The following RACGAP1 variants were observed in gnomAD, a reference collection of about 807,000 sequenced individuals.
RACGAP1 encodes Rac GTPase activating protein 1.
RACGAP1 carries 30 observed loss-of-function variants against 78.1 expected under a neutral mutation model. That is an observed-to-expected ratio of 0.38 (90% confidence interval 0.29 to 0.52). RACGAP1 has a LOEUF of 0.52. Ranked by LOEUF, RACGAP1 falls within the 20% of genes least tolerant of loss-of-function variation. The pLI is 0.82. For missense variants in RACGAP1, 587 were observed against 777.1 expected, an observed-to-expected ratio of 0.76 and a Z score of 2.91; for synonymous variants, 231 against 264.8, an observed-to-expected ratio of 0.87 and a Z score of 1.24.
At chr12:50,026,613 C>A (rs1259941943), upstream of RACGAP1, among the ~76,000 whole-genome samples, 1 of 152,158 alleles carries the variant, frequency 6.6e-6, no homozygotes, top group Non-Finnish European at 1.5e-5. Flanking sequence ...ATACATACAT[C>A]AAAACATCAC....
intron 2 of RACGAP1, among the ~76,000 whole-genome samples, chr12:50,011,121 G>T (rs1325115488): frequency 1.3e-5 from 2 of 152,018 alleles, no homozygotes; most frequent in Non-Finnish European, 2.9e-5. Context: ...TGGATCACTT[G>T]AGGTCAGGAG....
At chr12:49,991,859 A>G (rs1947903897) in intron 15 of RACGAP1, 139 bp downstream of exon 15, 1 of 1,507,440 alleles carries the variant, frequency 6.6e-7, no homozygotes. Flanking sequence ...AAAGCAAAAA[A>G]AAATTACGAT....
chr12:50,020,674 C>CA (rs1949961001), intron 1 of RACGAP1, among the ~76,000 whole-genome samples: 2 of 152,136 alleles, frequency 1.3e-5, no homozygotes. Flanking sequence ...CAGACCTACT[C>CA]AGAGACCTCC....
chr12:50,020,200 C>T (rs996664003), intron 1 of RACGAP1, among the ~76,000 whole-genome samples: 3 of 152,094 alleles, frequency 2.0e-5, no homozygotes, highest in Non-Finnish European at 2.9e-5. Context: ...TTTTCTGAGA[C>T]GGTGTCTTGC....
upstream of RACGAP1, chr12:50,025,570 C>A (rs970664910): frequency 1.0e-5 from 10 of 982,916 alleles, no homozygotes; most frequent in African/African-American, 1.7e-4. Context: ...GTCAGGGCCA[C>A]GCGGAGGTGA....
chr12:50,004,224 A>G lies in RACGAP1; in HGVS notation c.495+11T>C. The G allele has an allele frequency of 6.3e-7, 1 of 1,596,940 alleles. No individual in the cohort carries two copies. The highest frequency in any genetic ancestry group is 2.2e-5 in the East Asian group (1 of 44,450). Reference sequence around the variant, plus strand: ...AAAGTAGGTAATTCTCAGAGATCAAATGTTTATTACCAGTGATTCATCAGT... The same window carrying G: ...AAAGTAGGTAATTCTCAGAGATCAAGTGTTTATTACCAGTGATTCATCAGT... On this transcript the variant is annotated intron_variant, in intron 5 of 16. Coordinates refer to ENST00000312377, the MANE Select transcript of RACGAP1 (RefSeq NM_001319999.2).
At chr12:49,991,955 AAG>A in intron 15 of RACGAP1, 41 bp downstream of exon 15, 1 of 1,606,126 alleles carries the variant, frequency 6.2e-7, no homozygotes, top group Non-Finnish European at 8.5e-7. Context: ...ACTAAAACTA[AAG>A]AGAGAGTCAA....
At chr12:50,008,817 TTC>T (rs1488302556) in intron 2 of RACGAP1, among the ~76,000 whole-genome samples, 3 of 152,128 alleles carry the variant, frequency 2.0e-5, no homozygotes, top group Non-Finnish European at 4.4e-5. Context: ...TTATGTACAA[TTC>T]TGCTATGAGC....
chr12:50,020,175 A>G (rs1276391546), intron 1 of RACGAP1, among the ~76,000 whole-genome samples: 1 of 152,112 alleles, frequency 6.6e-6, no homozygotes, highest in Non-Finnish European at 1.5e-5. Flanking sequence ...TTTTTCTTTA[A>G]GTGAATTTGA....
At chr12:50,031,478 CAAAAAAAAAAAA>C (rs56229939) in intron 2 of RACGAP1, among the ~76,000 whole-genome samples, 2 of 71,896 alleles carry the variant, frequency 2.8e-5, no homozygotes, top group African/African-American at 4.8e-5. Flanking sequence ...GACTCCATCT[CAAAAAAAAAAAA>C]AAAAAAAAAA....
intron 3 of RACGAP1, 31 bp from the exon 4 acceptor site, chr12:50,005,423 A>G: frequency 1.2e-6 from 2 of 1,611,830 alleles, no homozygotes; most frequent in Non-Finnish European, 1.7e-6. Context: ...AAACATCATA[A>G]CTAGCCAGGG....
chr12:50,023,132 T>C (rs995935576), intron 1 of RACGAP1, among the ~76,000 whole-genome samples: 5 of 152,240 alleles, frequency 3.3e-5, no homozygotes, highest in African/African-American at 1.2e-4. Context: ...CTAATAAATA[T>C]TTGGTGAATA....
Position 49,997,039 on chromosome 12 carries a change from C to A in RACGAP1, c.1044+1G>T. On this transcript the variant is annotated splice_donor_variant, in intron 10 of 16. Coordinates refer to ENST00000312377, the MANE Select transcript of RACGAP1 (RefSeq NM_001319999.2). LOFTEE classifies it high-confidence loss of function. Reference sequence around the variant, plus strand: ...ACAATGACGGCTTGCATAAGTCATACCTCTCCAATCTTGACAGGTGTTCCT... The same window carrying A: ...ACAATGACGGCTTGCATAAGTCATAACTCTCCAATCTTGACAGGTGTTCCT... 6.6e-7 allele frequency: 1 copy of A among 1,516,962 alleles called. No individual in the cohort carries two copies. The highest frequency in any genetic ancestry group is 8.9e-7 in the Non-Finnish European group (1 of 1,120,730). 94.0% of individuals were successfully genotyped at this position (1,516,962 alleles called of 1,614,324 possible). A position where few individuals can be genotyped will look rare whatever the true frequency, so the allele number is the denominator to read the frequency against.
chr12:50,002,075 A>G (rs909046983), intron 6 of RACGAP1, among the ~76,000 whole-genome samples, 172 bp downstream of exon 6: 23 of 151,370 alleles, frequency 1.5e-4, no homozygotes, highest in Non-Finnish European at 2.8e-4. Flanking sequence ...AAAAAAAGAA[A>G]AAAAAAAAAA....
At chr12:50,002,072 G>GAAAAAAAAA (rs79466036) in intron 6 of RACGAP1, among the ~76,000 whole-genome samples, 175 bp downstream of exon 6, 1 of 87,220 alleles carries the variant, frequency 1.1e-5, no homozygotes, top group African/African-American at 3.9e-5. Context: ...TCAAAAAAAA[G>GAAAAAAAAA]AAAAAAAAAA....
At chr12:49,996,684 A>G (rs1948307520) in intron 10 of RACGAP1, among the ~76,000 whole-genome samples, 1 of 145,160 alleles carries the variant, frequency 6.9e-6, no homozygotes. Context: ...ACAAGTTAGT[A>G]ATCATGGAAG....
At chr12:49,990,821 A>G in intron 15 of RACGAP1, 29 bp from the exon 16 acceptor site, 1 of 1,571,482 alleles carries the variant, frequency 6.4e-7, no homozygotes, top group Non-Finnish European at 8.8e-7. Flanking sequence ...TTTTTAAGAG[A>G]GGTGGGAAAA....
At chr12:50,017,894 C>T (rs1032559272) in intron 1 of RACGAP1, among the ~76,000 whole-genome samples, 5 of 152,284 alleles carry the variant, frequency 3.3e-5, no homozygotes, top group South Asian at 2.1e-4. Context: ...CGGCAGCTCA[C>T]GCCTGTAATC....
intron 15 of RACGAP1, among the ~76,000 whole-genome samples, 170 bp downstream of exon 15, chr12:49,991,828 A>C (rs993144795): frequency 1.3e-5 from 2 of 151,916 alleles, no homozygotes; most frequent in African/African-American, 4.8e-5. Flanking sequence ...ATCCATATGG[A>C]TAAAGAAAGG....
Sources: gnomAD v4.1 joint callset for allele counts (sites outside exome capture counted in the v4.1 genomes callset) on GRCh38, gnomAD v4.1.1 for gene constraint, MANE v1.5 for transcripts, NCBI Gene and HGNC (gene_info 2026-07-23, HGNC 2026-07-21) for gene names.